Variants in WTAP observed in about 807,000 individuals in gnomAD.
The protein encoded by WTAP is WT1 associated protein.
Under a neutral mutation model 50.0 loss-of-function variants are expected in WTAP, and 8 were observed. The ratio of observed to expected loss-of-function variants is 0.16; its 90% CI spans 0.09 to 0.29. The LOEUF (loss-of-function observed/expected upper bound fraction) is 0.29, where lower values mean the gene tolerates loss of function less well. Ranked by LOEUF, WTAP falls within the 10% of genes least tolerant of loss-of-function variation. The pLI is 1.00. For synonymous variants in WTAP, 194 were observed against 169.0 expected (o/e 1.15, Z -1.15); for missense variants, 295 against 470.7 (o/e 0.63, Z 3.45).
intron 2 of WTAP, among the ~76,000 whole-genome samples, chr6:159,737,448 A>T (rs1778989802): frequency 6.6e-6 from 1 of 152,096 alleles, no homozygotes; most frequent in Non-Finnish European, 1.5e-5. Flanking sequence ...TAAGGAAAAA[A>T]ATTTAAGTGT....
chr6:159,747,134 G>A (rs1779622361), intron 5 of WTAP, among the ~76,000 whole-genome samples: 1 of 152,114 alleles, frequency 6.6e-6, no homozygotes, highest in Admixed American at 6.5e-5. Flanking sequence ...TCCTATTTAA[G>A]CCTTAGTATG....
chr6:159,744,511 A>T (rs1229286055), intron 5 of WTAP, among the ~76,000 whole-genome samples: 6 of 127,254 alleles, frequency 4.7e-5, no homozygotes, highest in African/African-American at 1.8e-4. Context: ...GACACCAAAA[A>T]TCTATGGGCA....
Position 159,733,876 on chromosome 6 carries a change from G to A in WTAP, c.-8-2382G>A, listed in dbSNP as rs151208826. Reference sequence around the variant, plus strand: ...GGTTGCGGTGAGCCGAGATCGCGCCGTTGCACTCCACCCCGGGCAACAAGA... The same window carrying A: ...GGTTGCGGTGAGCCGAGATCGCGCCATTGCACTCCACCCCGGGCAACAAGA... On this transcript the variant is annotated intron_variant, in intron 1 of 7. Transcript: ENST00000621533. Among the ~76,000 whole-genome samples the A allele has an allele frequency of 4.2e-3, 635 of 152,138 alleles. 7 individuals are homozygous for A. The highest frequency in any genetic ancestry group is 0.015 in the African/African-American group (610 of 41,502).
intron 7 of WTAP, 54 bp downstream of exon 7, chr6:159,753,668 A>C: frequency 4.5e-6 from 7 of 1,548,192 alleles, no homozygotes; most frequent in South Asian, 1.2e-5. Flanking sequence ...TTGGCTTTTT[A>C]AAACTGCCAG....
chr6:159,733,906 AACTCCATCTCCAAAAAAAAAGATT>A (rs999962370), intron 1 of WTAP, among the ~76,000 whole-genome samples: 2 of 152,196 alleles, frequency 1.3e-5, no homozygotes, highest in Non-Finnish European at 1.5e-5. Flanking sequence ...ACAAGAGCGA[AACTCCATCTCCAAAAAAAAAGATT>A]AAACAGAGAA....
chr6:159,728,981 C>T (rs1778398717), intron 1 of WTAP, among the ~76,000 whole-genome samples: 1 of 152,142 alleles, frequency 6.6e-6, no homozygotes, highest in Non-Finnish European at 1.5e-5. Flanking sequence ...TTACATGGCT[C>T]TTTTATGTCT....
At chr6:159,727,384 C>T, upstream of WTAP, 1 of 517,778 alleles carries the variant, frequency 1.9e-6, no homozygotes, top group South Asian at 2.6e-5. Flanking sequence ...TGGCGGGAGG[C>T]GGGAGGCGGG....
At position 159,727,538 on chromosome 6, in the gene WTAP, C is replaced by A. The variant is rs1778262616; in HGVS notation, c.-174C>A. On this transcript the variant is annotated 5_prime_UTR_variant, in exon 1 of 8. Coordinates refer to ENST00000621533, the MANE Select transcript of WTAP (RefSeq NM_001270531.2). Reference sequence around the variant, plus strand: ...AGCGCCATTTTGTGGCAGCGAGACCCACAAATAAAGGGGAGCGCAGGGGTT... The same window carrying A: ...AGCGCCATTTTGTGGCAGCGAGACCAACAAATAAAGGGGAGCGCAGGGGTT... The A allele has an allele frequency of 1.0e-6, 1 of 991,680 alleles. No individual in the cohort carries two copies. Among genetic ancestry groups the A allele is most frequent in the Non-Finnish European group, 1.2e-6 (1 of 834,840 alleles). 61.4% of individuals were successfully genotyped at this position (991,680 alleles called of 1,614,324 possible).
chr6:159,731,978 GAGTA>G (rs1778600693), intron 1 of WTAP, among the ~76,000 whole-genome samples: 1 of 152,128 alleles, frequency 6.6e-6, no homozygotes, highest in South Asian at 2.1e-4. Flanking sequence ...TTTAAGAAGA[GAGTA>G]AGCAAGTAAA....
chr6:159,746,988 CT>C (rs1242939863), intron 5 of WTAP, among the ~76,000 whole-genome samples: 14 of 152,152 alleles, frequency 9.2e-5, no homozygotes, highest in Non-Finnish European at 7.3e-5. Flanking sequence ...TATTCTCGCT[CT>C]GTTATCTTAG....
chr6:159,753,548 G>A lies in WTAP; in HGVS notation c.541G>A (p.Ala181Thr). The A allele has an allele frequency of 1.2e-6, 2 of 1,614,186 alleles. No homozygotes were observed. Among genetic ancestry groups the A allele is most frequent in the Non-Finnish European group, 1.7e-6 (2 of 1,180,026 alleles). The change falls in exon 7 of 8, where the codon GCA (alanine) becomes ACA (threonine). Residue 181 changes from alanine to threonine, a missense_variant. Around this residue, in one of 2 missense-constraint regions of WTAP, gnomAD observed 120 missense variants for 287.6 expected, o/e 0.42. Coordinates refer to ENST00000621533, the MANE Select transcript of WTAP (RefSeq NM_001270531.2). ...LGRQLSQGRIAQLEAELALQK... is the reference protein window; with the variant it reads ...LGRQLSQGRITQLEAELALQK... ...AAGGCAGCTGTCCCAGGGACGTATT[G>A]CACAACTTGAAGCAGAGTTGGCTTT...
chr6:159,736,181 A>G lies in WTAP; in HGVS notation c.-8-77A>G, dbSNP rs1368712230. The G allele has an allele frequency of 5.1e-6, 7 of 1,370,484 alleles. 1 individual carries two copies. Among genetic ancestry groups the G allele is most frequent in the Non-Finnish European group, 7.1e-6 (7 of 983,368 alleles). 84.9% of individuals were successfully genotyped at this position (1,370,484 alleles called of 1,614,324 possible). A position where few individuals can be genotyped will look rare whatever the true frequency, so the allele number is the denominator to read the frequency against. ...TTAGTTCACTAATAAATTGATTTGA[A>G]AGAGTCAGTATTTTTTATTCCTACT... is the stretch of plus-strand genomic sequence containing the variant. On this transcript the variant is annotated intron_variant, in intron 1 of 7. Transcript: ENST00000621533.
chr6:159,727,999 G>T (rs1778316494), intron 1 of WTAP, among the ~76,000 whole-genome samples: 1 of 152,274 alleles, frequency 6.6e-6, no homozygotes, highest in Non-Finnish European at 1.5e-5. Context: ...CCCGGGCTGA[G>T]CGGCGGCGCT....
rs1779986501 is a variant in WTAP at position 159,755,760 on chromosome 6, CTTTTCTT to C, written c.*154_*160del. On this transcript the variant is annotated 3_prime_UTR_variant, in exon 8 of 8. Transcript: ENST00000621533. Reference sequence around the variant, plus strand: ...TGTTTTTTTTCTTTGTTTTTTTTTTCTTTTCTTTTTTTTTTTTTTTTTTTTTTTTTGC... The same window carrying C: ...TGTTTTTTTTCTTTGTTTTTTTTTTCTTTTTTTTTTTTTTTTTTTTTTTGC... The C allele has an allele frequency of 2.1e-5, 6 of 286,788 alleles. No homozygotes were observed. Among genetic ancestry groups the C allele is most frequent in the African/African-American group, 5.0e-5 (1 of 20,048 alleles). The allele number at this position is 286,788 out of a possible 1,614,324, so 17.8% of individuals were successfully genotyped here.
Position 159,755,789 on chromosome 6 carries a change from T to G in WTAP, c.*178T>G. The G allele has an allele frequency of 1.1e-6, 1 of 921,424 alleles. No individual in the cohort carries two copies. The highest frequency in any genetic ancestry group is 1.4e-6 in the Non-Finnish European group (1 of 705,164). 57.1% of individuals were successfully genotyped at this position (921,424 alleles called of 1,614,324 possible). A position where few individuals can be genotyped will look rare whatever the true frequency, so the allele number is the denominator to read the frequency against. On this transcript the variant is annotated 3_prime_UTR_variant, in exon 8 of 8. Transcript: ENST00000621533. ...TCTTTTTTTTTTTTTTTTTTTTTTT[T>G]TGCTTCAATACTTCTGCCGCTTTGG...
chr6:159,727,037 C>G (rs983417467), upstream of WTAP: 62 of 1,226,460 alleles, frequency 5.1e-5, no homozygotes, highest in Non-Finnish European at 6.2e-5. Flanking sequence ...GCAGGTGGCC[C>G]CGGCGAGTAC....
Position 159,748,450 on chromosome 6 carries a change from G to A in WTAP, c.452+81G>A, listed in dbSNP as rs912633927. 18 of 1,559,936 alleles carry A rather than the reference G, an allele frequency of 1.2e-5. No individual in the cohort carries two copies. Among genetic ancestry groups the A allele is most frequent in the Admixed American group, 3.7e-5 (2 of 54,502 alleles). On this transcript the variant is annotated intron_variant, in intron 6 of 7. Coordinates refer to ENST00000621533, the MANE Select transcript of WTAP (RefSeq NM_001270531.2). This position sits in a 1 kb window ranked among gnomAD's most constrained non-coding sequence, Gnocchi z 5.6. ...GCTGTGGTGGGACAGCCAAGTACTCGTTTCCACACCAAGACTCAGACTTTT... is the reference window on the plus strand; with the variant it reads ...GCTGTGGTGGGACAGCCAAGTACTCATTTCCACACCAAGACTCAGACTTTT...
chr6:159,746,151 G>A (rs1303129460), intron 5 of WTAP, among the ~76,000 whole-genome samples: 1 of 152,184 alleles, frequency 6.6e-6, no homozygotes, highest in Admixed American at 6.6e-5. Flanking sequence ...CGTTAGATTT[G>A]GCAGTTAAGA....
chr6:159,733,917 CA>C (rs200509804), intron 1 of WTAP, among the ~76,000 whole-genome samples: 189 of 150,136 alleles, frequency 1.3e-3, no homozygotes, highest in African/African-American at 4.5e-3. Context: ...ACTCCATCTC[CA>C]AAAAAAAAGA....
Sources: allele counts gnomAD v4.1 joint callset (sites outside exome capture counted in the v4.1 genomes callset), GRCh38; gene constraint gnomAD v4.1.1; regional missense constraint gnomAD v4.1.1; non-coding constraint Gnocchi (gnomAD v3.1); transcripts MANE v1.5; gene names NCBI Gene and HGNC (gene_info 2026-07-23, HGNC 2026-07-21).